OR56A4: variants seen among roughly 807,000 people sequenced by gnomAD.
OR56A4 encodes olfactory receptor family 56 subfamily A member 4.
A neutral mutation model predicts 13.6 loss-of-function variants in OR56A4; 9 were observed. The ratio of observed to expected loss-of-function variants is 0.66; its 90% CI spans 0.40 to 1.15. The LOEUF (loss-of-function observed/expected upper bound fraction) is 1.15, where lower values mean the gene tolerates loss of function less well. Among genes scored for constraint, OR56A4 ranks in the 50% most tolerant of loss-of-function variants. OR56A4 has a pLI of 0.01. For synonymous variants in OR56A4, 167 were observed against 153.9 expected (o/e 1.08, Z -0.63); for missense variants, 380 against 375.9 (o/e 1.01, Z -0.09).
chr11:6,002,930 G>A lies in OR56A4; in HGVS notation c.63C>T (p.Pro21=). Reference sequence around the variant, plus strand: ...ACCAGTGCTGCCAGCTCTGGAAGTTGGGGAAGCAGATGAGGAGGAATTCAG... The same window carrying A: ...ACCAGTGCTGCCAGCTCTGGAAGTTAGGGAAGCAGATGAGGAGGAATTCAG... The part of the protein sequence containing the change: ...PVSEFLLICF[P]NFQSWQHWLS... Residue 21 remains proline, a synonymous_variant, in exon 3 of 3, where the codon CCC becomes CCT. Coordinates refer to ENST00000641156, the MANE Select transcript of OR56A4 (RefSeq NM_001005179.4). 1.2e-6 allele frequency: 2 copies of A among 1,613,908 alleles called. No homozygotes were observed. Among genetic ancestry groups the A allele is most frequent in the Non-Finnish European group, 1.7e-6 (2 of 1,179,902 alleles).
rs1308575595 is a variant in OR56A4 at position 6,000,066 on chromosome 11, G to T, written c.*1985C>A. On this transcript the variant is annotated 3_prime_UTR_variant, in exon 3 of 3. Transcript: ENST00000641156. The stretch of plus-strand genomic sequence containing the variant: ...GGAAGTCAGTGTGGAGATTCCTCAG[G>T]GATCTAGAACTAGAAATACCATTTG... 6.7e-6 allele frequency: 1 copy of T among 150,366 alleles called. No homozygotes were observed. The highest frequency in any genetic ancestry group is 1.5e-5 in the Non-Finnish European group (1 of 68,024). The allele number at this position is 150,366 out of a possible 1,614,324, so 9.3% of individuals were successfully genotyped here.
Position 6,002,422 on chromosome 11 carries a change from A to T in OR56A4, c.571T>A (p.Ser191Thr). 1 of 1,614,262 alleles carries T rather than the reference A, an allele frequency of 6.2e-7. No individual in the cohort carries two copies. Among genetic ancestry groups the T allele is most frequent in the Non-Finnish European group, 8.5e-7 (1 of 1,180,040 alleles). Residue 191 changes from serine to threonine, a missense_variant, in exon 3 of 3, where the codon TCT becomes ACT. Ser to Thr is a moderately conservative substitution (Grantham distance 58). Coordinates refer to ENST00000641156, the MANE Select transcript of OR56A4 (RefSeq NM_001005179.4). Reference protein sequence around the residue: ...ICSNLSVSKLSCDDITFNQLY... With the variant: ...ICSNLSVSKLTCDDITFNQLY... Reference sequence around the variant, plus strand: ...TGATTGAAAGTGATGTCATCACAAGAGAGTTTGGACACAGACAGGTTACTG... The same window carrying T: ...TGATTGAAAGTGATGTCATCACAAGTGAGTTTGGACACAGACAGGTTACTG...
At chr11:6,005,040 G>C (rs761164378) in intron 2 of OR56A4, among the ~76,000 whole-genome samples, 20 of 152,108 alleles carry the variant, frequency 1.3e-4, no homozygotes, top group Non-Finnish European at 2.4e-4. Context: ...GTGTAATGTG[G>C]TTTAAAAGTT....
chr11:6,001,763 A>G lies in OR56A4; in HGVS notation c.*288T>C, dbSNP rs1415068498. The G allele has an allele frequency of 2.2e-5, 7 of 322,358 alleles. 1 individual carries two copies. Among genetic ancestry groups the G allele is most frequent in the Non-Finnish European group, 1.7e-5 (3 of 178,256 alleles). The allele number at this position is 322,358 out of a possible 1,614,324, so 20.0% of individuals were successfully genotyped here. On this transcript the variant is annotated 3_prime_UTR_variant, in exon 3 of 3. Coordinates refer to ENST00000641156, the MANE Select transcript of OR56A4 (RefSeq NM_001005179.4). ...AGTGGTCAAACACTTCCATTCTAATACAGCTCCATTTGTCAAAGTCTTGGC... is the reference window on the plus strand; with the variant it reads ...AGTGGTCAAACACTTCCATTCTAATGCAGCTCCATTTGTCAAAGTCTTGGC...
Position 6,002,421 on chromosome 11 carries a change from G to T in OR56A4, c.572C>A (p.Ser191Tyr). 1 of 1,614,270 alleles carries T rather than the reference G, an allele frequency of 6.2e-7. No homozygotes were observed. The highest frequency in any genetic ancestry group is 8.5e-7 in the Non-Finnish European group (1 of 1,180,042). ...CTGATTGAAAGTGATGTCATCACAA[G>T]AGAGTTTGGACACAGACAGGTTACT... The part of the protein sequence containing the change: ...ICSNLSVSKL[S>Y]CDDITFNQLY... The change falls in exon 3 of 3, where the codon TCT becomes TAT. Residue 191 changes from serine (S) to tyrosine (Y), a missense_variant. Physicochemically the swap from Ser to Tyr is moderately radical, Grantham distance 144 (BLOSUM62 -2). Transcript: ENST00000641156.
chr11:6,002,789 G>A lies in OR56A4; in HGVS notation c.204C>T (p.Leu68=), dbSNP rs1266177561. Residue 68 remains leucine (L), a synonymous_variant, in exon 3 of 3, where the codon CTC becomes CTT. Transcript: ENST00000641156. ...LHQPLYYLLS[L]LSLLDIVLCL... ...AGAGCACGATGTCCAGCAGGGAGAG[G>A]AGGCTGAGCAGGTAGTACAGGGGCT... The A allele has an allele frequency of 3.1e-6, 5 of 1,613,832 alleles. 1 individual carries two copies. The South Asian group carries it at 4.4e-5, about 14-fold the overall frequency.
At position 6,000,948 on chromosome 11, in the gene OR56A4, T is replaced by C. The variant is rs535604555; in HGVS notation, c.*1103A>G. ...AGCTTCAGTACAAATGGAAGTAGGATAGTCCAGTTGGGACAGTTGTCAAAC... is the reference window on the plus strand; with the variant it reads ...AGCTTCAGTACAAATGGAAGTAGGACAGTCCAGTTGGGACAGTTGTCAAAC... On this transcript the variant is annotated 3_prime_UTR_variant, in exon 3 of 3. Transcript: ENST00000641156. The C allele has an allele frequency of 6.6e-6, 1 of 152,356 alleles. No individual in the cohort carries two copies. Among genetic ancestry groups the C allele is most frequent in the East Asian group, 1.9e-4 (1 of 5,190 alleles). The allele number at this position is 152,356 out of a possible 1,614,324, so 9.4% of individuals were successfully genotyped here.
rs771468001 is a variant in OR56A4, at chr11:6,002,898, A to G, written c.95T>C (p.Leu32Pro). 3 of 1,614,108 alleles carry G rather than the reference A, an allele frequency of 1.9e-6. No homozygotes were observed. The South Asian group carries it at 3.3e-5, about 18-fold the overall frequency. The change falls in exon 3 of 3, where the codon CTG becomes CCG. Residue 32 changes from leucine to proline, a missense_variant. Physicochemically the swap from Leu to Pro is moderately conservative, Grantham distance 98. Transcript: ENST00000641156. ...NFQSWQHWLS[L>P]PLSLLFLLAM... ...CAGGAGGAAGAGAAGGCTGAGGGGCAGAGACAACCAGTGCTGCCAGCTCTG... is the reference window on the plus strand; with the variant it reads ...CAGGAGGAAGAGAAGGCTGAGGGGCGGAGACAACCAGTGCTGCCAGCTCTG...
intron 2 of OR56A4, among the ~76,000 whole-genome samples, chr11:6,004,483 A>G (rs1435885000): frequency 6.6e-6 from 1 of 152,268 alleles, no homozygotes; most frequent in South Asian, 2.1e-4. Flanking sequence ...AGAAGATATT[A>G]GAAGACTTTA....
In OR56A4 at chr11:6,002,959, C is replaced by T. The variant is rs1848228830; in HGVS notation, c.34G>A (p.Val12Ile). 1 of 1,613,810 alleles carries T rather than the reference C, an allele frequency of 6.2e-7. No homozygotes were observed. Among genetic ancestry groups the T allele is most frequent in the African/African-American group, 1.3e-5 (1 of 74,928 alleles). Reference sequence around the variant, plus strand: ...AAGCAGATGAGGAGGAATTCAGAGACTGGGGCAGTGGAGTCATTGCTGGGA... The same window carrying T: ...AAGCAGATGAGGAGGAATTCAGAGATTGGGGCAGTGGAGTCATTGCTGGGA... ...ASPSNDSTAPVSEFLLICFPN... is the reference protein window; with the variant it reads ...ASPSNDSTAPISEFLLICFPN... The change falls in exon 3 of 3, where the codon GTC (valine) becomes ATC (isoleucine). Residue 12 changes from valine (V) to isoleucine (I), a missense_variant. Coordinates refer to ENST00000641156, the MANE Select transcript of OR56A4 (RefSeq NM_001005179.4).
chr11:6,005,482 A>T (rs1465329314), intron 2 of OR56A4, among the ~76,000 whole-genome samples: 1 of 152,214 alleles, frequency 6.6e-6, no homozygotes, highest in Admixed American at 6.5e-5. Flanking sequence ...GATCCTTAGA[A>T]GTCTGTCTGA....
chr11:6,002,903 C>A lies in OR56A4; in HGVS notation c.90G>T (p.Leu30Phe), dbSNP rs1356938213. 6.2e-7 allele frequency: 1 copy of A among 1,614,054 alleles called. No individual in the cohort carries two copies. The highest frequency in any genetic ancestry group is 8.5e-7 in the Non-Finnish European group (1 of 1,179,984). Residue 30 changes from leucine to phenylalanine, a missense_variant, in exon 3 of 3, where the codon TTG becomes TTT. Transcript: ENST00000641156. ...GGAAGAGAAGGCTGAGGGGCAGAGA[C>A]AACCAGTGCTGCCAGCTCTGGAAGT... ...FPNFQSWQHWLSLPLSLLFLL... is the reference protein window; with the variant it reads ...FPNFQSWQHWFSLPLSLLFLL...
intron 2 of OR56A4, among the ~76,000 whole-genome samples, chr11:6,004,522 A>C (rs7926146): frequency 0.063 from 9,606 of 152,272 alleles, 966 homozygotes; most frequent in African/African-American, 0.21. Context: ...GTAAGTATTT[A>C]TTTAATCCAA....
Position 6,002,900 on chromosome 11 carries a change from A to G in OR56A4, c.93T>C (p.Ser31=), listed in dbSNP as rs1309088936. ...PNFQSWQHWL[S]LPLSLLFLLA... is the part of the protein sequence containing the mutation. ...GGAGGAAGAGAAGGCTGAGGGGCAG[A>G]GACAACCAGTGCTGCCAGCTCTGGA... Residue 31 remains serine, a synonymous_variant, in exon 3 of 3, where the codon TCT becomes TCC. Transcript: ENST00000641156. 3.1e-6 allele frequency: 5 copies of G among 1,614,108 alleles called. No individual in the cohort carries two copies. Among genetic ancestry groups the G allele is most frequent in the Non-Finnish European group, 3.4e-6 (4 of 1,179,990 alleles).
At chr11:6,003,853 A>G (rs560775161) in intron 2 of OR56A4, among the ~76,000 whole-genome samples, 1 of 152,294 alleles carries the variant, frequency 6.6e-6, no homozygotes, top group Non-Finnish European at 1.5e-5. Flanking sequence ...GCAAGAACCC[A>G]CTTACCTGGT....
rs1357582744 is a variant in OR56A4 at position 6,000,678 on chromosome 11, A to G, written c.*1373T>C. The stretch of plus-strand genomic sequence containing the variant: ...GGTTTGGCAAATGGTGATAATGGTA[A>G]AAGAAGGCTGATGTGAGAAGCATCA... On this transcript the variant is annotated 3_prime_UTR_variant, in exon 3 of 3. Transcript: ENST00000641156. The G allele has an allele frequency of 6.6e-6, 1 of 152,218 alleles. No homozygotes were observed. The highest frequency in any genetic ancestry group is 1.9e-4 in the East Asian group (1 of 5,198). 9.4% of individuals were successfully genotyped at this position (152,218 alleles called of 1,614,324 possible).
At position 6,002,056 on chromosome 11, in the gene OR56A4, A is replaced by G. The variant is rs757661230; in HGVS notation, c.937T>C (p.Leu313=). Residue 313 remains leucine (L), a synonymous_variant, in exon 3 of 3, where the codon TTG becomes CTG. Coordinates refer to ENST00000641156, the MANE Select transcript of OR56A4 (RefSeq NM_001005179.4). ...GGATCTAATCCTTTTTATTCTTACA[A>G]CCTCTTCAGCAGGTTTTGGATTCCC... is the stretch of plus-strand genomic sequence containing the variant. ...KQGIQNLLKR[L] The G allele has an allele frequency of 1.3e-6, 2 of 1,570,204 alleles. No individual in the cohort carries two copies. Among genetic ancestry groups the G allele is most frequent in the African/African-American group, 1.4e-5 (1 of 73,446 alleles).
rs1326546263 is a variant in OR56A4, at chr11:6,002,722, C to A, written c.271G>T (p.Asp91Tyr). The A allele has an allele frequency of 6.2e-7, 1 of 1,614,078 alleles. No individual in the cohort carries two copies. Among genetic ancestry groups the A allele is most frequent in the Non-Finnish European group, 8.5e-7 (1 of 1,180,026 alleles). The change falls in exon 3 of 3, where the codon GAC becomes TAC. Residue 91 changes from aspartate (D) to tyrosine (Y), a missense_variant. Asp to Tyr is a radical substitution (Grantham distance 160, BLOSUM62 -3). Transcript: ENST00000641156. The stretch of plus-strand genomic sequence containing the variant: ...GCTGGGAAGCTGATCGACCTGAGGT[C>A]AAACCAGAAGATGGCCAGGACCTTG... ...IPKVLAIFWFDLRSISFPACF... is the reference protein window; with the variant it reads ...IPKVLAIFWFYLRSISFPACF...
chr11:6,006,579 C>T (rs1483285067), intron 1 of OR56A4, among the ~76,000 whole-genome samples, 176 bp from the exon 2 acceptor site: 1 of 152,130 alleles, frequency 6.6e-6, no homozygotes, highest in Admixed American at 6.5e-5. Flanking sequence ...AAGCAGTCAC[C>T]TAGGTTCATA....
Sources: allele counts gnomAD v4.1 joint callset (sites outside exome capture counted in the v4.1 genomes callset), GRCh38; gene constraint gnomAD v4.1.1; transcripts MANE v1.5; gene names NCBI Gene and HGNC (gene_info 2026-07-23, HGNC 2026-07-21).